CTNNA3: variants seen among roughly 807,000 people sequenced by gnomAD.
CTNNA3 encodes catenin alpha 3.
Under a neutral mutation model 95.7 loss-of-function variants are expected in CTNNA3, and 76 were observed. That is an observed-to-expected ratio of 0.79 (90% CI 0.66 to 0.96). The LOEUF is 0.96. CTNNA3 is among the 40% of genes least tolerant of loss of function. The pLI, the probability that CTNNA3 is intolerant of heterozygous loss-of-function variation, is 0.00. For missense variants in CTNNA3, 1,191 were observed against 1,089.8 expected, an observed-to-expected ratio of 1.09 and a Z score of -1.31; for synonymous variants, 431 against 374.4, an observed-to-expected ratio of 1.15 and a Z score of -1.74.
At chr10:67,262,717 A>G (rs2132395251) in intron 5 of CTNNA3, among the ~76,000 whole-genome samples, 1 of 152,342 alleles carries the variant, frequency 6.6e-6, no homozygotes, top group South Asian at 2.1e-4. Flanking sequence ...AGAGACAAAA[A>G]GGGGAACAAA....
chr10:66,256,758 C>T (rs148909460), intron 13 of CTNNA3, among the ~76,000 whole-genome samples: 2 of 152,048 alleles, frequency 1.3e-5, no homozygotes, highest in African/African-American at 4.8e-5. Context: ...GAAAAAATGC[C>T]GTCGCCAACT....
At chr10:65,959,034 G>T (rs1025751444) in intron 17 of CTNNA3, among the ~76,000 whole-genome samples, 10 of 152,130 alleles carry the variant, frequency 6.6e-5, no homozygotes, top group Non-Finnish European at 1.3e-4. Flanking sequence ...GCTGCGGTGG[G>T]CTCCACCCAG....
At chr10:66,508,202 T>C (rs1215267187) in intron 11 of CTNNA3, among the ~76,000 whole-genome samples, 1 of 142,856 alleles carries the variant, frequency 7.0e-6, no homozygotes, top group Non-Finnish European at 1.5e-5. Flanking sequence ...TGTTTTGTTT[T>C]GTTTTCTGTT....
chr10:67,103,888 A>G (rs549194589), intron 7 of CTNNA3, among the ~76,000 whole-genome samples: 1 of 151,700 alleles, frequency 6.6e-6, no homozygotes, highest in Non-Finnish European at 1.5e-5. Context: ...CCTAAACCAG[A>G]GGCCTAATGG....
At chr10:66,440,188 CA>C (rs1386373161) in intron 11 of CTNNA3, among the ~76,000 whole-genome samples, 1 of 151,998 alleles carries the variant, frequency 6.6e-6, no homozygotes, top group Admixed American at 6.6e-5. Context: ...TAATGCGAGC[CA>C]AAATGGGCTC....
chr10:66,563,797 C>G (rs746118030), intron 10 of CTNNA3, among the ~76,000 whole-genome samples: 22 of 151,990 alleles, frequency 1.4e-4, no homozygotes, highest in Non-Finnish European at 2.9e-4. Context: ...TTTCACGAAG[C>G]CAGACTAAGA....
chr10:66,842,441 G>C (rs1340356094), intron 7 of CTNNA3, among the ~76,000 whole-genome samples: 1 of 152,144 alleles, frequency 6.6e-6, no homozygotes, highest in East Asian at 1.9e-4. Flanking sequence ...GAAGAGAACA[G>C]AATCACATGA....
chr10:67,348,008 C>T (rs1297959877), intron 5 of CTNNA3, among the ~76,000 whole-genome samples: 1 of 152,030 alleles, frequency 6.6e-6, no homozygotes, highest in Non-Finnish European at 1.5e-5. Context: ...AAGCAGCATG[C>T]CAAAGGTCAA....
intron 13 of CTNNA3, among the ~76,000 whole-genome samples, chr10:66,185,733 T>G (rs1213125183): frequency 6.6e-6 from 1 of 151,954 alleles, no homozygotes; most frequent in African/African-American, 2.4e-5. Flanking sequence ...TAAAAAAAGT[T>G]TGTCTGAAGT....
intron 13 of CTNNA3, among the ~76,000 whole-genome samples, chr10:66,210,949 T>C (rs938517273): frequency 6.6e-6 from 1 of 152,216 alleles, no homozygotes; most frequent in Non-Finnish European, 1.5e-5. Context: ...AGATTTTAAA[T>C]TGTAGAAACA....
Position 66,966,468 on chromosome 10 carries a change from A to G in CTNNA3, c.1048-190944T>C, listed in dbSNP as rs182490338. On this transcript the variant is annotated intron_variant, in intron 7 of 17. Coordinates refer to ENST00000433211, the MANE Select transcript of CTNNA3 (RefSeq NM_013266.4). ...AAAGAATTAATATGCAGCTGGGTTAACTCGGCTATGTAATATATTTTTTTT... is the reference window on the plus strand; with the variant it reads ...AAAGAATTAATATGCAGCTGGGTTAGCTCGGCTATGTAATATATTTTTTTT... 4.6e-3 allele frequency among the ~76,000 whole-genome samples: 633 copies of G among 137,252 alleles called. 37 individuals carry two copies. In the East Asian group the frequency reaches 0.11, roughly 25 times the overall value. The allele number at this position is 137,252 out of a possible 152,430, so 90.0% of individuals were successfully genotyped here.
chr10:67,060,409 T>C (rs965200715), intron 7 of CTNNA3, among the ~76,000 whole-genome samples: 4 of 152,220 alleles, frequency 2.6e-5, no homozygotes, highest in Non-Finnish European at 4.4e-5. Flanking sequence ...TGTTCTAGTA[T>C]TGAAGCACTT....
At chr10:66,633,116 C>T (rs369902542) in intron 9 of CTNNA3, among the ~76,000 whole-genome samples, 16 of 152,052 alleles carry the variant, frequency 1.1e-4, no homozygotes, top group African/African-American at 3.6e-4. Context: ...TTAGTTTCAC[C>T]TACGAAAATT....
chr10:67,074,790 TTAA>T (rs1179219206), intron 7 of CTNNA3, among the ~76,000 whole-genome samples: 1 of 152,120 alleles, frequency 6.6e-6, no homozygotes, highest in Non-Finnish European at 1.5e-5. Flanking sequence ...AAATACATTC[TTAA>T]TATTATGAAC....
At chr10:66,702,041 G>T (rs1332785741) in intron 9 of CTNNA3, among the ~76,000 whole-genome samples, 4 of 151,976 alleles carry the variant, frequency 2.6e-5, no homozygotes, top group Admixed American at 2.0e-4. Flanking sequence ...AATCATTCTT[G>T]ATTTTGAACT....
intron 7 of CTNNA3, among the ~76,000 whole-genome samples, chr10:67,041,838 T>C (rs1011301873): frequency 6.6e-6 from 1 of 152,126 alleles, no homozygotes; most frequent in South Asian, 2.1e-4. Context: ...TGATATATTG[T>C]ATTCAGGTTA....
At chr10:67,497,438 G>A (rs916986572) in intron 5 of CTNNA3, among the ~76,000 whole-genome samples, 8 of 152,064 alleles carry the variant, frequency 5.3e-5, no homozygotes, top group African/African-American at 1.7e-4. Flanking sequence ...AATCCTTTGG[G>A]TATATACCTA....
At chr10:67,341,033 TTTTA>T (rs1258840806) in intron 5 of CTNNA3, among the ~76,000 whole-genome samples, 2 of 152,170 alleles carry the variant, frequency 1.3e-5, no homozygotes, top group East Asian at 1.9e-4. Context: ...ACATATAGGT[TTTTA>T]TTTATTTTTT....
intron 15 of CTNNA3, among the ~76,000 whole-genome samples, chr10:66,014,212 T>G (rs2079054062): frequency 6.6e-6 from 1 of 152,060 alleles, no homozygotes; most frequent in African/African-American, 2.4e-5. Context: ...CAGAAACGTG[T>G]TTTGGGTGCA....
Sources: gnomAD v4.1 joint callset for allele counts (sites outside exome capture counted in the v4.1 genomes callset) on GRCh38, gnomAD v4.1.1 for gene constraint, MANE v1.5 for transcripts, NCBI Gene and HGNC (gene_info 2026-07-23, HGNC 2026-07-21) for gene names.